The following C3orf49 variants were observed in gnomAD, a reference collection of about 807,000 sequenced individuals.
C3orf49 encodes the protein putative uncharacterized protein C3orf49.
A neutral mutation model predicts 13.3 loss-of-function variants in C3orf49; 27 were observed. That is an observed-to-expected ratio of 2.02 (90% CI 1.49 to 2.79). The LOEUF (loss-of-function observed/expected upper bound fraction) is 2.79. Ranked by LOEUF, C3orf49 falls within the 30% of genes most tolerant of loss-of-function variation. C3orf49 has a pLI of 0.00. For synonymous variants in C3orf49, 87 were observed against 47.6 expected (o/e 1.83, Z -3.40); for missense variants, 242 against 134.2 (o/e 1.80, Z -3.97).
At chr3:63,808,449 T>C in the C3orf49 span, among the ~76,000 whole-genome samples, 7 of 152,222 alleles carry the variant, frequency 4.6e-5, no homozygotes, top group Non-Finnish European at 2.9e-5. Flanking sequence ...TATGTCCTAC[T>C]GTGCTGGCTT....
At chr3:63,835,685 C>G (rs569366451) in intron 5 of C3orf49, among the ~76,000 whole-genome samples, 1 of 151,980 alleles carries the variant, frequency 6.6e-6, no homozygotes, top group Non-Finnish European at 1.5e-5. Context: ...AGTTTAACTT[C>G]GAGGGTTTTT....
chr3:63,813,149 C>A, the C3orf49 span, among the ~76,000 whole-genome samples: 1 of 152,200 alleles, frequency 6.6e-6, no homozygotes, highest in Non-Finnish European at 1.5e-5. Context: ...ATGCATGAAG[C>A]ACCATTCATT....
the C3orf49 span, among the ~76,000 whole-genome samples, chr3:63,785,624 A>G: frequency 2.0e-5 from 3 of 152,324 alleles, no homozygotes; most frequent in Non-Finnish European, 2.9e-5. Context: ...ATGTGTGTGC[A>G]TTAACTTTTT....
chr3:63,801,918 A>G, the C3orf49 span, among the ~76,000 whole-genome samples: 2 of 152,164 alleles, frequency 1.3e-5, no homozygotes, highest in African/African-American at 4.8e-5. Flanking sequence ...AGCATCTTAC[A>G]TGGTATCAGG....
At chr3:63,788,928 T>C in the C3orf49 span, among the ~76,000 whole-genome samples, 3 of 152,092 alleles carry the variant, frequency 2.0e-5, no homozygotes, top group African/African-American at 4.8e-5. Context: ...TACTGAAGTA[T>C]GATCTGGGCT....
At chr3:63,806,970 T>TA in the C3orf49 span, among the ~76,000 whole-genome samples, 1 of 152,140 alleles carries the variant, frequency 6.6e-6, no homozygotes, top group Non-Finnish European at 1.5e-5. Flanking sequence ...TTCTTTTTTT[T>TA]AGACGGAGTC....
chr3:63,841,572 A>G (rs932187250), intron 5 of C3orf49, among the ~76,000 whole-genome samples: 2 of 152,208 alleles, frequency 1.3e-5, no homozygotes, highest in Non-Finnish European at 2.9e-5. Flanking sequence ...TTTAAAATAT[A>G]TTGTGATAAT....
the C3orf49 span, among the ~76,000 whole-genome samples, chr3:63,811,824 A>C: frequency 6.6e-6 from 1 of 151,872 alleles, no homozygotes; most frequent in Non-Finnish European, 1.5e-5. Context: ...ATGGAAACTG[A>C]GATGCTGCCT....
At position 63,820,509 on chromosome 3, in the gene C3orf49, T is replaced by C. The variant is rs73120880; in HGVS notation, c.125+913T>C. Among the ~76,000 whole-genome samples, 646 of 152,190 alleles carry C rather than the reference T, an allele frequency of 4.2e-3. 2 individuals carry two copies. The highest frequency in any genetic ancestry group is 6.2e-3 in the Non-Finnish European group (424 of 67,998). The stretch of plus-strand genomic sequence containing the variant: ...AGATTGGGGATGAGAGTGGGGAGGA[T>C]GGGAATGGGAAACACCTTCTAGAGA... On this transcript the variant is annotated intron_variant, in intron 1 of 6. Transcript: ENST00000295896.
At chr3:63,805,732 G>C in the C3orf49 span, among the ~76,000 whole-genome samples, 4 of 152,200 alleles carry the variant, frequency 2.6e-5, no homozygotes, top group Non-Finnish European at 5.9e-5. Flanking sequence ...CCTTTGACCT[G>C]GAGGGAGAAA....
chr3:63,786,231 T>C, the C3orf49 span, among the ~76,000 whole-genome samples: 1 of 151,998 alleles, frequency 6.6e-6, no homozygotes, highest in Non-Finnish European at 1.5e-5. Context: ...TGATAGACGC[T>C]CAGTAAATGT....
At chr3:63,844,000 C>T (rs1701830783) in intron 5 of C3orf49, among the ~76,000 whole-genome samples, 2 of 151,832 alleles carry the variant, frequency 1.3e-5, no homozygotes, top group Non-Finnish European at 2.9e-5. Flanking sequence ...CATACATAAA[C>T]AATGAAATAC....
rs34464702 is a variant in C3orf49 at position 63,824,836 on chromosome 3, CA to C, written c.445+1285del. 1.2e-3 allele frequency among the ~76,000 whole-genome samples: 129 copies of C among 107,878 alleles called. 1 individual carries two copies. The highest frequency in any genetic ancestry group is 0.011 in the East Asian group (37 of 3,408). The allele number at this position is 107,878 out of a possible 152,430, so 70.8% of individuals were successfully genotyped here. The stretch of plus-strand genomic sequence containing the variant: ...TGGGCGACAGAAAGAGACCCTGTCT[CA>C]AAAAAAAAAAAAAAAAAGAAAAAGA... On this transcript the variant is annotated intron_variant, in intron 2 of 6. Transcript: ENST00000295896.
At chr3:63,824,609 C>T (rs1701441999) in intron 2 of C3orf49, among the ~76,000 whole-genome samples, 2 of 152,082 alleles carry the variant, frequency 1.3e-5, no homozygotes, top group Non-Finnish European at 2.9e-5. Flanking sequence ...AAGGCCAAAG[C>T]GGTTGGATCA....
the C3orf49 span, among the ~76,000 whole-genome samples, chr3:63,796,801 C>T: frequency 2.6e-5 from 4 of 152,168 alleles, no homozygotes; most frequent in South Asian, 6.2e-4. Flanking sequence ...AGGAGAAATA[C>T]ATATACTTTA....
At chr3:63,841,224 T>C (rs546515037) in intron 5 of C3orf49, among the ~76,000 whole-genome samples, 1 of 152,294 alleles carries the variant, frequency 6.6e-6, no homozygotes, top group South Asian at 2.1e-4. Flanking sequence ...TGTGTGCATG[T>C]GTATCACACA....
At chr3:63,791,574 A>G in the C3orf49 span, among the ~76,000 whole-genome samples, 5 of 152,080 alleles carry the variant, frequency 3.3e-5, no homozygotes, top group Non-Finnish European at 7.4e-5. Flanking sequence ...AAAAATACTG[A>G]TGCCTGGGCC....
At chr3:63,834,938 C>T (rs1442852842) in intron 5 of C3orf49, among the ~76,000 whole-genome samples, 1 of 151,980 alleles carries the variant, frequency 6.6e-6, no homozygotes, top group Non-Finnish European at 1.5e-5. Context: ...TAATTTAAAC[C>T]ACTATGTATA....
At chr3:63,838,123 T>C (rs541137531) in intron 5 of C3orf49, 758 of 1,441,168 alleles carry the variant, frequency 5.3e-4, no homozygotes, top group Admixed American at 8.4e-4. Flanking sequence ...TTTTTAATTT[T>C]AAAACGCATT....
Sources: gnomAD v4.1 joint callset for allele counts (sites outside exome capture counted in the v4.1 genomes callset) on GRCh38, gnomAD v4.1.1 for gene constraint, MANE v1.5 for transcripts, NCBI Gene and HGNC (gene_info 2026-07-23, HGNC 2026-07-21) for gene names.